HRH1: variants seen among roughly 807,000 people sequenced by gnomAD.
HRH1 encodes the protein histamine receptor H1, also known as histamine H1 receptor.
HRH1 carries 6 observed loss-of-function variants against 10.3 expected under a neutral mutation model. The ratio of observed to expected loss-of-function variants is 0.58; its 90% CI spans 0.32 to 1.15. The LOEUF is 1.15. HRH1 is among the 50% of genes most tolerant of loss of function. HRH1 has a pLI of 0.05. For synonymous variants in HRH1, 242 were observed against 236.7 expected (o/e 1.02, Z -0.21); for missense variants, 514 against 615.3 (o/e 0.84, Z 1.74).
intron 1 of HRH1, among the ~76,000 whole-genome samples, chr3:11,198,255 C>T (rs1002681268): frequency 6.6e-6 from 1 of 152,122 alleles, no homozygotes; most frequent in Admixed American, 6.5e-5. Flanking sequence ...TGCTCATTCC[C>T]CTGAGTGTCT....
rs1225910445 is a variant in HRH1, at chr3:11,259,099, C to T, written c.62C>T (p.Thr21Ile). The change falls in exon 2 of 2, where the codon ACT (threonine) becomes ATT (isoleucine). Residue 21 changes from threonine (T) to isoleucine (I), a missense_variant. By Grantham distance (89) the Thr-to-Ile change is moderately conservative. Transcript: ENST00000431010. This position sits in a 1 kb window ranked among gnomAD's most constrained non-coding sequence, Gnocchi z 4.6. ...AAGATGTGTGAGGGCAACAAGACCA[C>T]TATGGCCAGCCCCCAGCTGATGCCC... ...EDKMCEGNKTTMASPQLMPLV... is the reference protein window; with the variant it reads ...EDKMCEGNKTIMASPQLMPLV... 6.2e-7 allele frequency: 1 copy of T among 1,613,876 alleles called. No individual in the cohort carries two copies. Among genetic ancestry groups the T allele is most frequent in the Non-Finnish European group, 8.5e-7 (1 of 1,179,890 alleles).
intron 1 of HRH1, among the ~76,000 whole-genome samples, chr3:11,139,365 C>T (rs548064873): frequency 3.3e-5 from 5 of 150,574 alleles, no homozygotes; most frequent in East Asian, 3.9e-4. Flanking sequence ...CTGCGACCTC[C>T]GCCTCCCGGG....
chr3:11,138,671 C>T (rs547792997), intron 1 of HRH1, among the ~76,000 whole-genome samples: 6 of 151,402 alleles, frequency 4.0e-5, no homozygotes, highest in Admixed American at 3.3e-4. Flanking sequence ...CATCTGTTCA[C>T]ACAAAAACTT....
intron 1 of HRH1, among the ~76,000 whole-genome samples, chr3:11,158,341 A>T (rs1473443035): frequency 6.6e-6 from 1 of 152,250 alleles, no homozygotes; most frequent in African/African-American, 2.4e-5. Flanking sequence ...GTGCTTTCTT[A>T]TCCATTGACT....
chr3:11,152,221 T>A (rs1304924164), upstream of HRH1, among the ~76,000 whole-genome samples: 2 of 152,214 alleles, frequency 1.3e-5, no homozygotes, highest in Non-Finnish European at 2.9e-5. Context: ...TGTAAAGCTC[T>A]TAAATCAAGC....
chr3:11,205,846 G>A (rs1938103304), intron 1 of HRH1, among the ~76,000 whole-genome samples: 1 of 152,044 alleles, frequency 6.6e-6, no homozygotes, highest in Non-Finnish European at 1.5e-5. Flanking sequence ...ATTTTTAGTA[G>A]AGATGGGGTT....
chr3:11,219,288 A>G (rs1938616311), intron 1 of HRH1, among the ~76,000 whole-genome samples: 1 of 152,216 alleles, frequency 6.6e-6, no homozygotes, highest in Non-Finnish European at 1.5e-5. Context: ...ATGGATTATT[A>G]TAAGAATTCT....
At chr3:11,163,157 G>A (rs535025726) in intron 1 of HRH1, among the ~76,000 whole-genome samples, 3 of 152,100 alleles carry the variant, frequency 2.0e-5, no homozygotes, top group South Asian at 2.1e-4. Flanking sequence ...CGTGTTTCCC[G>A]AGCTCCTCCC....
intron 1 of HRH1, among the ~76,000 whole-genome samples, chr3:11,175,809 C>G (rs111743166): frequency 3.9e-5 from 6 of 152,198 alleles, no homozygotes; most frequent in South Asian, 2.1e-4. Context: ...TGGTGAGGCC[C>G]TGAACAAAAC....
intron 1 of HRH1, among the ~76,000 whole-genome samples, chr3:11,204,896 C>T (rs1468162142): frequency 6.6e-6 from 1 of 152,160 alleles, no homozygotes; most frequent in Admixed American, 6.5e-5. Context: ...CCTCCTTTCC[C>T]AGATGCGAGG....
chr3:11,137,956 G>C (rs1461851152), intron 1 of HRH1, among the ~76,000 whole-genome samples: 1 of 152,084 alleles, frequency 6.6e-6, no homozygotes, highest in Non-Finnish European at 1.5e-5. Context: ...CAGAGAATGG[G>C]AGAAAATATT....
rs35194961 is a variant in HRH1, at chr3:11,138,704, ATTTT to A, written c.-36+1321_-36+1324del. Among the ~76,000 whole-genome samples the A allele has an allele frequency of 4.8e-3, 667 of 139,404 alleles. 2 individuals carry two copies. Among genetic ancestry groups the A allele is most frequent in the Non-Finnish European group, 7.1e-3 (460 of 65,098 alleles). 91.5% of individuals were successfully genotyped at this position (139,404 alleles called of 152,430 possible). ...CTTGTACAAGAATGTTCATAGCTGA[ATTTT>A]TTTTTTTTTTTTTTTGAGTGCAGTG... is the stretch of plus-strand genomic sequence containing the variant. On this transcript the variant is annotated intron_variant, in intron 1 of 1. Coordinates refer to the HRH1 transcript ENST00000438284.
chr3:11,211,869 C>T (rs1164270731), intron 1 of HRH1, among the ~76,000 whole-genome samples: 1 of 152,158 alleles, frequency 6.6e-6, no homozygotes, highest in Non-Finnish European at 1.5e-5. Flanking sequence ...TTTGGAGAAG[C>T]GTTTCTTAGA....
At chr3:11,144,791 A>T (rs1344946378) in intron 1 of HRH1, among the ~76,000 whole-genome samples, 1 of 151,944 alleles carries the variant, frequency 6.6e-6, no homozygotes, top group East Asian at 1.9e-4. Flanking sequence ...GAATTGCTTG[A>T]ACCCAGGAGG....
At chr3:11,209,705 G>A (rs893084297) in intron 1 of HRH1, among the ~76,000 whole-genome samples, 20 of 152,312 alleles carry the variant, frequency 1.3e-4, no homozygotes, top group Middle Eastern at 3.4e-3. Flanking sequence ...GCCTCTTCTC[G>A]CTTGCAGGTG....
intron 1 of HRH1, among the ~76,000 whole-genome samples, chr3:11,225,007 A>G (rs1480577260): frequency 6.6e-6 from 1 of 152,210 alleles, no homozygotes; most frequent in Non-Finnish European, 1.5e-5. Context: ...GAAAGTAGGC[A>G]ACGTCAAAGT....
intron 1 of HRH1, among the ~76,000 whole-genome samples, chr3:11,218,324 T>TGTAG (rs1938583510): frequency 6.7e-6 from 1 of 148,548 alleles, no homozygotes; most frequent in Non-Finnish European, 1.5e-5. Context: ...GGCAGGTGCC[T>TGTAG]GTAGTCCCAG....
chr3:11,140,140 G>A (rs184459809), intron 1 of HRH1, among the ~76,000 whole-genome samples: 10 of 152,236 alleles, frequency 6.6e-5, no homozygotes, highest in East Asian at 3.9e-4. Flanking sequence ...TGAACGACCC[G>A]CGCAGCTGTT....
chr3:11,230,208 G>A (rs555679850), intron 1 of HRH1, among the ~76,000 whole-genome samples: 2 of 152,328 alleles, frequency 1.3e-5, no homozygotes, highest in South Asian at 2.1e-4. Context: ...GAGAGACCAA[G>A]TCCCAGGGCC....
Sources: gnomAD v4.1 joint callset for allele counts (sites outside exome capture counted in the v4.1 genomes callset) on GRCh38, gnomAD v4.1.1 for gene constraint, Gnocchi (gnomAD v3.1) non-coding constraint, MANE v1.5 for transcripts, NCBI Gene and HGNC (gene_info 2026-07-23, HGNC 2026-07-21) for gene names.